PCCB: variants seen among roughly 807,000 people sequenced by gnomAD.
PCCB encodes propionyl-CoA carboxylase beta chain, mitochondrial.
A neutral mutation model predicts 60.7 loss-of-function variants in PCCB; 43 were observed. That is an observed-to-expected ratio of 0.71 (90% confidence interval 0.55 to 0.91). PCCB has a LOEUF of 0.91. Ranked by LOEUF, PCCB falls within the 40% of genes least tolerant of loss-of-function variation. The pLI, the probability that PCCB is intolerant of heterozygous loss-of-function variation, is 0.00. For synonymous variants in PCCB, 276 were observed against 255.9 expected (o/e 1.08, Z -0.75); for missense variants, 766 against 702.8 (o/e 1.09, Z -1.02).
rs1357721117 is a variant in PCCB at position 136,298,062 on chromosome 3, C to T, written c.874C>T (p.His292Tyr). Residue 292 changes from histidine (H) to tyrosine (Y), a missense_variant, in exon 8 of 15, where the codon CAC (histidine) becomes TAC (tyrosine). His to Tyr is a moderately conservative substitution (Grantham distance 83). Coordinates refer to ENST00000251654, the MANE Select transcript of PCCB (RefSeq NM_000532.5). The part of the protein sequence containing the change: ...SQDPAPVREC[H>Y]DPSDRLVPEL... The stretch of plus-strand genomic sequence containing the variant: ...GGACCCGGCTCCCGTCCGTGAGTGC[C>T]ACGATCCCAGGTGGGTTGTAGGCCG... 2 of 1,614,160 alleles carry T rather than the reference C, an allele frequency of 1.2e-6. No homozygotes were observed. Among genetic ancestry groups the T allele is most frequent in the Admixed American group, 1.7e-5 (1 of 60,026 alleles).
intron 3 of PCCB, among the ~76,000 whole-genome samples, chr3:136,258,046 C>G (rs1207420640): frequency 6.6e-6 from 1 of 151,656 alleles, no homozygotes; most frequent in Non-Finnish European, 1.5e-5. Flanking sequence ...ATAAATTGGT[C>G]TACCAAATGC....
rs199959693 is a variant in PCCB, at chr3:136,256,540, G to T, written c.304-15G>T. 1.9e-6 allele frequency: 3 copies of T among 1,599,072 alleles called. No individual in the cohort carries two copies. The highest frequency in any genetic ancestry group is 2.2e-5 in the East Asian group (1 of 44,804). Reference sequence around the variant, plus strand: ...TTTGGATTTTTTAACCTTTATTTTTGCATTTTTCTGGTAGTTTCCTGGAGA... The same window carrying T: ...TTTGGATTTTTTAACCTTTATTTTTTCATTTTTCTGGTAGTTTCCTGGAGA... On this transcript the variant is annotated splice_polypyrimidine_tract_variant and intron_variant, in intron 2 of 14. Coordinates refer to ENST00000251654, the MANE Select transcript of PCCB (RefSeq NM_000532.5).
rs1443850415 is a variant in PCCB, at chr3:136,303,482, C to T, written c.966+2371C>T. On this transcript the variant is annotated intron_variant, in intron 9 of 14. Coordinates refer to ENST00000251654, the MANE Select transcript of PCCB (RefSeq NM_000532.5). Reference sequence around the variant, plus strand: ...TCCTTCATTCCTGAAGTTGTATATTCTGTTTGCTAATGTTTTGAGTTTCTG... The same window carrying T: ...TCCTTCATTCCTGAAGTTGTATATTTTGTTTGCTAATGTTTTGAGTTTCTG... Among the ~76,000 whole-genome samples the T allele has an allele frequency of 5.7e-5, 7 of 121,986 alleles. 1 individual carries two copies. The highest frequency in any genetic ancestry group is 4.9e-4 in the Admixed American group (5 of 10,220). The allele number at this position is 121,986 out of a possible 152,430, so 80.0% of individuals were successfully genotyped here.
At chr3:136,320,555 A>G (rs932202187) in intron 10 of PCCB, among the ~76,000 whole-genome samples, 3 of 152,192 alleles carry the variant, frequency 2.0e-5, no homozygotes, top group African/African-American at 7.2e-5. Context: ...GTAACTTGCA[A>G]CTTTGCTGGG....
At chr3:136,290,671 G>GTTTTTTTTTTTTTTTGTTTTTTTTTTT (rs1933638773) in intron 6 of PCCB, among the ~76,000 whole-genome samples, 1 of 60,050 alleles carries the variant, frequency 1.7e-5, no homozygotes, top group Non-Finnish European at 2.7e-5. Context: ...TCTCTGTGTA[G>GTTTTTTTTTTTTTTTGTTTTTTTTTTT]TTTTTTTTTT....
intron 10 of PCCB, among the ~76,000 whole-genome samples, chr3:136,323,993 T>C (rs568217412): frequency 7.5e-6 from 1 of 133,000 alleles, no homozygotes; most frequent in Non-Finnish European, 1.6e-5. Flanking sequence ...CCAAGCTTTG[T>C]TTTTTTTTTT....
At chr3:136,290,334 T>G (rs554852298) in intron 6 of PCCB, among the ~76,000 whole-genome samples, 1 of 152,188 alleles carries the variant, frequency 6.6e-6, no homozygotes, top group African/African-American at 2.4e-5. Context: ...CTCAACACTT[T>G]AAATATTTCA....
At chr3:136,251,712 TAC>T (rs1159616874) in intron 1 of PCCB, among the ~76,000 whole-genome samples, 2 of 152,114 alleles carry the variant, frequency 1.3e-5, no homozygotes, top group Non-Finnish European at 2.9e-5. Flanking sequence ...AGTGCTCCTG[TAC>T]ACTCTTTCTG....
chr3:136,292,412 T>C (rs890592932), intron 6 of PCCB, among the ~76,000 whole-genome samples: 2 of 152,176 alleles, frequency 1.3e-5, no homozygotes, highest in African/African-American at 2.4e-5. Flanking sequence ...ATTTCCTTAG[T>C]ACATAAAAAA....
At chr3:136,325,179 C>A (rs1935259524) in intron 10 of PCCB, among the ~76,000 whole-genome samples, 1 of 151,546 alleles carries the variant, frequency 6.6e-6, no homozygotes, top group African/African-American at 2.4e-5. Flanking sequence ...TGTGAGCCAC[C>A]ACATCTGGCC....
At chr3:136,257,540 C>G (rs1941704977) in intron 3 of PCCB, among the ~76,000 whole-genome samples, 2 of 152,164 alleles carry the variant, frequency 1.3e-5, no homozygotes, top group South Asian at 4.1e-4. Context: ...AAAACTAACA[C>G]AGAATATGTT....
chr3:136,302,662 T>C lies in PCCB; in HGVS notation c.966+1551T>C, dbSNP rs1410062152. ...ATGTGCCATGCTGGTGTGCTGCACC[T>C]GTTAACTCGTCATTTAGCATTAGGT... On this transcript the variant is annotated intron_variant, in intron 9 of 14. Transcript: ENST00000251654. Among the ~76,000 whole-genome samples, 44 of 118,958 alleles carry C rather than the reference T, an allele frequency of 3.7e-4. 9 individuals are homozygous for C. Among genetic ancestry groups the C allele is most frequent in the Non-Finnish European group, 6.7e-4 (36 of 53,646 alleles). 78.0% of individuals were successfully genotyped at this position (118,958 alleles called of 152,430 possible).
At chr3:136,293,705 G>T in intron 6 of PCCB, 51 bp from the exon 7 acceptor site, 1 of 1,133,392 alleles carries the variant, frequency 8.8e-7, no homozygotes, top group South Asian at 1.2e-5. Flanking sequence ...CTAAGGCTGT[G>T]ACCAGCTCTG....
At chr3:136,253,514 A>G (rs1031298682) in intron 1 of PCCB, among the ~76,000 whole-genome samples, 9 of 151,330 alleles carry the variant, frequency 5.9e-5, no homozygotes, top group Non-Finnish European at 1.2e-4. Flanking sequence ...CCTCTTGAGT[A>G]GCTGGGATTT....
At chr3:136,295,759 C>T (rs989000542) in intron 7 of PCCB, among the ~76,000 whole-genome samples, 1 of 151,846 alleles carries the variant, frequency 6.6e-6, no homozygotes, top group African/African-American at 2.4e-5. Context: ...CCCTTGCAGT[C>T]TTTTCACGCA....
chr3:136,315,263 C>G (rs529186582), intron 9 of PCCB, among the ~76,000 whole-genome samples: 1 of 152,144 alleles, frequency 6.6e-6, no homozygotes, highest in East Asian at 1.9e-4. Flanking sequence ...AGTGGCCGGG[C>G]GCGGTGGCTC....
In PCCB at chr3:136,287,573, C is replaced by T. The variant is rs1391344985; in HGVS notation, c.654+3626C>T. Among the ~76,000 whole-genome samples, 4 of 152,014 alleles carry T rather than the reference C, an allele frequency of 2.6e-5. 1 individual carries two copies. The South Asian group carries it at 6.2e-4, about 24-fold the overall frequency. On this transcript the variant is annotated intron_variant, in intron 6 of 14. Coordinates refer to ENST00000251654, the MANE Select transcript of PCCB (RefSeq NM_000532.5). ...TCAGCCTCCCATGTAGCTGGGACTA[C>T]AGGCGTGTGCCACCACACACCCGGC...
chr3:136,285,101 A>G (rs1933333909), intron 6 of PCCB, among the ~76,000 whole-genome samples: 1 of 151,942 alleles, frequency 6.6e-6, no homozygotes, highest in African/African-American at 2.4e-5. Context: ...AAAAAAAAAA[A>G]AAAAAAAGGT....
chr3:136,270,831 G>A (rs1052129653), intron 5 of PCCB, among the ~76,000 whole-genome samples: 16 of 152,012 alleles, frequency 1.1e-4, no homozygotes, highest in African/African-American at 3.6e-4. Flanking sequence ...AATTATGGCC[G>A]TTTTTGTAGG....
Sources: gnomAD v4.1 joint callset for allele counts (sites outside exome capture counted in the v4.1 genomes callset) on GRCh38, gnomAD v4.1.1 for gene constraint, MANE v1.5 for transcripts, NCBI Gene and HGNC (gene_info 2026-07-23, HGNC 2026-07-21) for gene names.